ACER1: variants seen among roughly 807,000 people sequenced by gnomAD.
ACER1 encodes the protein alkaline ceramidase 1, also known as CTB-180A7.3.
A neutral mutation model predicts 24.9 loss-of-function variants in ACER1; 28 were observed. The ratio of observed to expected loss-of-function variants is 1.13; its 90% CI spans 0.83 to 1.54. The LOEUF is 1.54. Ranked by LOEUF, ACER1 falls within the 40% of genes most tolerant of loss-of-function variation. The pLI, the probability that ACER1 is intolerant of heterozygous loss-of-function variation, is 0.00. For synonymous variants in ACER1, 132 were observed against 131.4 expected (o/e 1.00, Z -0.03); for missense variants, 352 against 349.3 (o/e 1.01, Z -0.06).
At chr19:6,319,559 C>T (rs2091620093) in intron 1 of ACER1, among the ~76,000 whole-genome samples, 2 of 152,106 alleles carry the variant, frequency 1.3e-5, no homozygotes, top group South Asian at 4.2e-4. Flanking sequence ...TGAGTACCTA[C>T]TATGTGCTCA....
At chr19:6,331,450 G>A (rs1453366545) in intron 1 of ACER1, among the ~76,000 whole-genome samples, 1 of 146,406 alleles carries the variant, frequency 6.8e-6, no homozygotes, top group Non-Finnish European at 1.5e-5. Flanking sequence ...CACCCAGCCA[G>A]CAAGCACTCT....
chr19:6,336,439 C>T (rs1212242956), upstream of ACER1, among the ~76,000 whole-genome samples: 2 of 152,134 alleles, frequency 1.3e-5, no homozygotes, highest in Non-Finnish European at 2.9e-5. Flanking sequence ...TCAGTTTCCT[C>T]ACCTGTAAGG....
At chr19:6,333,848 A>G (rs1339685984), upstream of ACER1, among the ~76,000 whole-genome samples, 1 of 152,150 alleles carries the variant, frequency 6.6e-6, no homozygotes, top group Admixed American at 6.6e-5. Flanking sequence ...GGGTGGGGGC[A>G]GTGGAGGGAA....
chr19:6,336,247 A>G (rs2091713834), upstream of ACER1, among the ~76,000 whole-genome samples: 2 of 151,946 alleles, frequency 1.3e-5, no homozygotes, highest in Admixed American at 6.6e-5. Context: ...CCCAAGCTGG[A>G]GTGCAGTGGC....
the ACER1 span, among the ~76,000 whole-genome samples, chr19:6,342,491 G>A: frequency 9.2e-5 from 14 of 151,880 alleles, no homozygotes; most frequent in African/African-American, 1.2e-4. Context: ...AGGCTGAGGC[G>A]GGCGGATCAC....
intron 1 of ACER1, among the ~76,000 whole-genome samples, chr19:6,315,541 G>C (rs1211755248): frequency 6.6e-6 from 1 of 152,014 alleles, no homozygotes; most frequent in African/African-American, 2.4e-5. Flanking sequence ...CGCCACACCT[G>C]GCTAATTTTT....
chr19:6,345,241 G>A, the ACER1 span, among the ~76,000 whole-genome samples: 1 of 151,984 alleles, frequency 6.6e-6, no homozygotes, highest in East Asian at 1.9e-4. Context: ...ATTTTTATTG[G>A]CACACGGTCA....
intron 3 of ACER1, among the ~76,000 whole-genome samples, chr19:6,311,661 G>T (rs1006187804): frequency 6.6e-6 from 1 of 151,058 alleles, no homozygotes; most frequent in Non-Finnish European, 1.5e-5. Flanking sequence ...GAAGGAGGAG[G>T]AGAAGGAGGA....
chr19:6,334,543 C>T (rs2091705261), upstream of ACER1, among the ~76,000 whole-genome samples: 1 of 152,090 alleles, frequency 6.6e-6, no homozygotes, highest in African/African-American at 2.4e-5. Context: ...GATAGGATTT[C>T]ACCATGTTGG....
the ACER1 span, among the ~76,000 whole-genome samples, chr19:6,347,283 CA>C: frequency 7.0e-6 from 1 of 143,776 alleles, no homozygotes; most frequent in African/African-American, 2.7e-5. Context: ...TACAGTGGTG[CA>C]ATCATAGCTC....
At chr19:6,325,832 G>T (rs79888284) in intron 1 of ACER1, among the ~76,000 whole-genome samples, 1 of 144,546 alleles carries the variant, frequency 6.9e-6, no homozygotes, top group Non-Finnish European at 1.5e-5. Context: ...TGTACTCCAG[G>T]CAGGGCAACA....
chr19:6,306,918 G>A (rs2091555216), intron 5 of ACER1, 36 bp from the exon 6 acceptor site: 20 of 1,591,938 alleles, frequency 1.3e-5, no homozygotes, highest in Non-Finnish European at 1.7e-5. Context: ...GAGGGCACAA[G>A]ATACCCACAG....
the ACER1 span, among the ~76,000 whole-genome samples, chr19:6,344,869 T>A: frequency 1.1e-4 from 17 of 152,098 alleles, no homozygotes; most frequent in East Asian, 2.9e-3. Flanking sequence ...TATTTATTTA[T>A]TTGTTTATTT....
At chr19:6,335,186 T>C (rs116640456), upstream of ACER1, among the ~76,000 whole-genome samples, 6,515 of 145,504 alleles carry the variant, frequency 0.045, 244 homozygotes, top group African/African-American at 0.095. Flanking sequence ...TTTTCTTTTT[T>C]TAAGTGCTTG....
chr19:6,336,861 G>A (rs1186910979), upstream of ACER1, among the ~76,000 whole-genome samples: 1 of 149,888 alleles, frequency 6.7e-6, no homozygotes, highest in Non-Finnish European at 1.5e-5. Flanking sequence ...AAATTGTGGT[G>A]CTATGTTGCC....
In ACER1 at chr19:6,309,788, G is replaced by A; in HGVS notation, c.397C>T (p.Leu133Phe). 6.2e-7 allele frequency: 1 copy of A among 1,614,136 alleles called. No homozygotes were observed. Residue 133 changes from leucine to phenylalanine, a missense_variant, in exon 4 of 6, where the codon CTT becomes TTT. Coordinates refer to ENST00000301452, the MANE Select transcript of ACER1 (RefSeq NM_133492.3). ...LVFITTVVST[L>F]LSFLRPTVNA... The stretch of plus-strand genomic sequence containing the variant: ...ACCGTGGGCCGCAGGAAGGACAGAA[G>A]GGTGCTGACCACAGTGGTGATGAAG...
chr19:6,311,613 AAGG>A (rs1464775904), intron 3 of ACER1, among the ~76,000 whole-genome samples: 1 of 147,634 alleles, frequency 6.8e-6, no homozygotes, highest in African/African-American at 2.6e-5. Flanking sequence ...GAAGAAGGAG[AAGG>A]AGAAGGAGGA....
chr19:6,331,359 C>T (rs1163277996), intron 1 of ACER1, among the ~76,000 whole-genome samples: 1 of 147,536 alleles, frequency 6.8e-6, no homozygotes, highest in African/African-American at 2.6e-5. Flanking sequence ...CCACGTTGGC[C>T]AGGATGGTCT....
the ACER1 span, among the ~76,000 whole-genome samples, chr19:6,342,745 A>C: frequency 6.6e-6 from 1 of 152,116 alleles, no homozygotes; most frequent in Non-Finnish European, 1.5e-5. Context: ...AAATACAATA[A>C]AATAAAAACA....
Sources: gnomAD v4.1 joint callset for allele counts (sites outside exome capture counted in the v4.1 genomes callset) on GRCh38, gnomAD v4.1.1 for gene constraint, MANE v1.5 for transcripts, NCBI Gene and HGNC (gene_info 2026-07-23, HGNC 2026-07-21) for gene names.